Variants in SORCS3 observed in about 807,000 individuals in gnomAD.
The protein encoded by SORCS3 is VPS10 domain-containing receptor SorCS3.
In SORCS3, 57 loss-of-function variants were observed where a neutral mutation model predicts 146.3. The ratio of observed to expected loss-of-function variants is 0.39; its 90% CI spans 0.31 to 0.49. SORCS3 has a LOEUF of 0.49. SORCS3 is among the 20% of genes least tolerant of loss of function. SORCS3 has a pLI of 0.92. For synonymous variants in SORCS3, 653 were observed against 618.5 expected (o/e 1.06, Z -0.83); for missense variants, 1,341 against 1,575.5 (o/e 0.85, Z 2.52).
At chr10:104,998,229 G>A (rs1265795774) in intron 4 of SORCS3, among the ~76,000 whole-genome samples, 2 of 152,140 alleles carry the variant, frequency 1.3e-5, no homozygotes, top group East Asian at 3.9e-4. Flanking sequence ...GGATTCTAAA[G>A]GCCTGGATTT....
Position 105,071,769 on chromosome 10 carries a change from T to C in SORCS3, c.1029-18006T>C, listed in dbSNP as rs575807894. Among the ~76,000 whole-genome samples the C allele has an allele frequency of 2.0e-3, 311 of 152,342 alleles. 7 individuals carry two copies. Among genetic ancestry groups the C allele is most frequent in the East Asian group, 9.6e-4 (5 of 5,184 alleles). Reference sequence around the variant, plus strand: ...GCTATCAAATAGTAGGTCTTATTTATTCTTTCTAACTATTTTTTTGTACCC... The same window carrying C: ...GCTATCAAATAGTAGGTCTTATTTACTCTTTCTAACTATTTTTTTGTACCC... On this transcript the variant is annotated intron_variant, in intron 5 of 26. Coordinates refer to ENST00000369701, the MANE Select transcript of SORCS3 (RefSeq NM_014978.3).
At chr10:104,860,124 G>A (rs1335728000) in intron 2 of SORCS3, among the ~76,000 whole-genome samples, 1 of 123,036 alleles carries the variant, frequency 8.1e-6, no homozygotes. Context: ...GCACACATAT[G>A]TTTATTGCGG....
chr10:104,838,720 G>A (rs1424303693), intron 1 of SORCS3, among the ~76,000 whole-genome samples: 5 of 152,176 alleles, frequency 3.3e-5, no homozygotes, highest in Admixed American at 3.3e-4. Context: ...GGTGGGGTGG[G>A]TAGTGTCACT....
At chr10:105,210,570 A>G (rs1324113013) in intron 16 of SORCS3, among the ~76,000 whole-genome samples, 2 of 152,236 alleles carry the variant, frequency 1.3e-5, no homozygotes, top group Admixed American at 6.5e-5. Flanking sequence ...GGAAAGAAAT[A>G]GTAGCGGACT....
chr10:104,998,490 T>C (rs997646041), intron 4 of SORCS3, among the ~76,000 whole-genome samples: 1 of 152,182 alleles, frequency 6.6e-6, no homozygotes, highest in Non-Finnish European at 1.5e-5. Flanking sequence ...AATTTTCATA[T>C]GATTTGAAAT....
chr10:104,771,389 G>A (rs2017248135), intron 1 of SORCS3, among the ~76,000 whole-genome samples: 1 of 152,206 alleles, frequency 6.6e-6, no homozygotes, highest in African/African-American at 2.4e-5. Context: ...TGCAAGAGTA[G>A]AGGTGGCTCA....
At chr10:105,172,201 G>T (rs1589670449) in intron 13 of SORCS3, among the ~76,000 whole-genome samples, 1 of 152,118 alleles carries the variant, frequency 6.6e-6, no homozygotes, top group Non-Finnish European at 1.5e-5. Context: ...GTATTTCTTA[G>T]AAATACCTTA....
chr10:105,227,796 ATCT>A (rs1202441313), intron 20 of SORCS3, among the ~76,000 whole-genome samples: 2 of 151,572 alleles, frequency 1.3e-5, no homozygotes, highest in African/African-American at 2.4e-5. Flanking sequence ...TTATATAATG[ATCT>A]TCTTTGTATT....
At chr10:105,046,558 G>C (rs527506838) in intron 5 of SORCS3, among the ~76,000 whole-genome samples, 6 of 152,218 alleles carry the variant, frequency 3.9e-5, no homozygotes, top group African/African-American at 9.6e-5. Flanking sequence ...ATGGTTGTTA[G>C]AATACATTGG....
Position 105,231,577 on chromosome 10 carries a change from G to A in SORCS3, c.2868+8328G>A, listed in dbSNP as rs142533654. Reference sequence around the variant, plus strand: ...TTGAAAAGAAGTGGTGAGAGGGAACGTCCTTGCTTTGTTTCTGATCTTAGT... The same window carrying A: ...TTGAAAAGAAGTGGTGAGAGGGAACATCCTTGCTTTGTTTCTGATCTTAGT... On this transcript the variant is annotated intron_variant, in intron 20 of 26. Transcript: ENST00000369701. Among the ~76,000 whole-genome samples, 43 of 152,252 alleles carry A rather than the reference G, an allele frequency of 2.8e-4. No individual in the cohort carries two copies. The East Asian group carries it at 6.4e-3, about 23-fold the overall frequency.
chr10:104,947,558 A>G (rs1031487629), intron 3 of SORCS3, among the ~76,000 whole-genome samples: 1 of 152,142 alleles, frequency 6.6e-6, no homozygotes, highest in African/African-American at 2.4e-5. Context: ...GGCTCAGAGA[A>G]TGGCAGTACT....
intron 2 of SORCS3, among the ~76,000 whole-genome samples, chr10:104,902,936 G>A (rs1241984511): frequency 6.6e-6 from 1 of 152,192 alleles, no homozygotes; most frequent in African/African-American, 2.4e-5. Flanking sequence ...TACTTGTATA[G>A]CTTTCCAATA....
intron 3 of SORCS3, among the ~76,000 whole-genome samples, chr10:104,939,995 G>A (rs893099535): frequency 1.3e-5 from 2 of 151,620 alleles, no homozygotes; most frequent in Non-Finnish European, 2.9e-5. Context: ...ATTTTGGGGT[G>A]AGTTCACAGA....
chr10:104,705,251 T>C lies in SORCS3; in HGVS notation c.627+63297T>C, dbSNP rs115983303. ...TTTTTTTTTTTTTTTTTTTAATTGGTCTGCTGATTAGAGTTCCGGATTATC... is the reference window on the plus strand; with the variant it reads ...TTTTTTTTTTTTTTTTTTTAATTGGCCTGCTGATTAGAGTTCCGGATTATC... On this transcript the variant is annotated intron_variant, in intron 1 of 26. Coordinates refer to ENST00000369701, the MANE Select transcript of SORCS3 (RefSeq NM_014978.3). 5.3e-3 allele frequency among the ~76,000 whole-genome samples: 772 copies of C among 145,366 alleles called. 5 individuals carry two copies. The highest frequency in any genetic ancestry group is 0.018 in the African/African-American group (706 of 40,070).
At chr10:104,748,897 A>G (rs1372745611) in intron 1 of SORCS3, among the ~76,000 whole-genome samples, 1 of 152,142 alleles carries the variant, frequency 6.6e-6, no homozygotes, top group Non-Finnish European at 1.5e-5. Flanking sequence ...CCGGGTCTCT[A>G]CCAATAGTGT....
chr10:104,682,770 G>A (rs544661064), intron 1 of SORCS3, among the ~76,000 whole-genome samples: 39 of 152,328 alleles, frequency 2.6e-4, no homozygotes, highest in African/African-American at 7.7e-4. Flanking sequence ...AATGACACCT[G>A]CGTTAGGAAA....
intron 4 of SORCS3, among the ~76,000 whole-genome samples, chr10:104,983,453 G>A (rs1417781740): frequency 2.0e-5 from 3 of 152,092 alleles, no homozygotes; most frequent in Admixed American, 6.6e-5. Context: ...CTTTAAGAAG[G>A]GTACTCAGGC....
intron 3 of SORCS3, among the ~76,000 whole-genome samples, chr10:104,950,834 A>G (rs2019420901): frequency 6.6e-6 from 1 of 152,264 alleles, no homozygotes; most frequent in Non-Finnish European, 1.5e-5. Context: ...CCTATACACA[A>G]GAACATTGAA....
intron 2 of SORCS3, among the ~76,000 whole-genome samples, chr10:104,849,827 T>C (rs2018254583): frequency 6.6e-6 from 1 of 152,142 alleles, no homozygotes; most frequent in South Asian, 2.1e-4. Context: ...GAGGATGGGG[T>C]ACAGAACAAA....
Sources: gnomAD v4.1 joint callset for allele counts (sites outside exome capture counted in the v4.1 genomes callset) on GRCh38, gnomAD v4.1.1 for gene constraint, MANE v1.5 for transcripts, NCBI Gene and HGNC (gene_info 2026-07-23, HGNC 2026-07-21) for gene names.